The following PCDHA3 variants were observed in gnomAD, a reference collection of about 807,000 sequenced individuals.
PCDHA3 encodes protocadherin alpha 3, also known as protocadherin alpha-3.
A neutral mutation model predicts 62.2 loss-of-function variants in PCDHA3; 41 were observed. The ratio of observed to expected loss-of-function variants is 0.66; its 90% CI spans 0.51 to 0.86. PCDHA3 has a LOEUF of 0.86. Among genes scored for constraint, PCDHA3 ranks in the 40% least tolerant of loss-of-function variants. PCDHA3 has a pLI of 0.00. For synonymous variants in PCDHA3, 640 were observed against 555.4 expected, an observed-to-expected ratio of 1.15 and a Z score of -2.14; for missense variants, 1,304 against 1,241.2, an observed-to-expected ratio of 1.05 and a Z score of -0.76.
At chr5:140,870,819 G>A (rs1365807310) in intron 1 of PCDHA3, 2 of 1,613,712 alleles carry the variant, frequency 1.2e-6, no homozygotes, top group Admixed American at 3.3e-5. Flanking sequence ...CTGGCAGCGC[G>A]GGAGGCGCAG....
At chr5:140,836,054 C>T in intron 1 of PCDHA3, 2 of 1,613,594 alleles carry the variant, frequency 1.2e-6, no homozygotes, top group Non-Finnish European at 1.7e-6. Flanking sequence ...TCGTGCTGGA[C>T]GAGAACGACA....
In PCDHA3 at chr5:141,010,369, G is replaced by A. The variant is rs963959073; in HGVS notation, c.*432G>A. The A allele has an allele frequency of 1.8e-4, 270 of 1,474,338 alleles. No homozygotes were observed. The highest frequency in any genetic ancestry group is 7.1e-5 in the Non-Finnish European group (79 of 1,109,414). 91.3% of individuals were successfully genotyped at this position (1,474,338 alleles called of 1,614,324 possible). On this transcript the variant is annotated 3_prime_UTR_variant, in exon 4 of 4. Transcript: ENST00000522353. ...GTATGTGTGGCTACCGCGGGTATGCGAGTGCCAGATATTGGCTGAGACGAG... is the reference window on the plus strand; with the variant it reads ...GTATGTGTGGCTACCGCGGGTATGCAAGTGCCAGATATTGGCTGAGACGAG...
intron 3 of PCDHA3, among the ~76,000 whole-genome samples, chr5:140,996,330 A>G (rs551945424): frequency 6.6e-6 from 1 of 152,208 alleles, no homozygotes; most frequent in Non-Finnish European, 1.5e-5. Flanking sequence ...TAGAGAAGAA[A>G]AGTTTGAAAA....
Position 140,829,519 on chromosome 5 carries a change from G to T in PCDHA3, c.2394+25928G>T, listed in dbSNP as rs140453889. 8.6e-4 allele frequency: 1,385 copies of T among 1,613,420 alleles called. 16 individuals carry two copies. The African/African-American group carries it at 0.017, about 19-fold the overall frequency. Reference sequence around the variant, plus strand: ...ACCCGCCGGGCTGCCACATCTTCACGGTGTCTGCGCGAGACGCGGACGCGC... The same window carrying T: ...ACCCGCCGGGCTGCCACATCTTCACTGTGTCTGCGCGAGACGCGGACGCGC... On this transcript the variant is annotated intron_variant, in intron 1 of 3. Transcript: ENST00000522353.
intron 3 of PCDHA3, among the ~76,000 whole-genome samples, chr5:140,993,758 T>C (rs1205942777): frequency 6.6e-6 from 1 of 152,226 alleles, no homozygotes; most frequent in Non-Finnish European, 1.5e-5. Flanking sequence ...GCCATTATAT[T>C]ACAATTGCGC....
rs114567887 is a variant in PCDHA3, at chr5:140,974,104, T to G, written c.2395-4845T>G. The stretch of plus-strand genomic sequence containing the variant: ...GACTTCAAAAATCAAAGGTTAAAAG[T>G]ATTCTTTTGCAGTGTTTTAAATCTG... On this transcript the variant is annotated intron_variant, in intron 1 of 3. Coordinates refer to ENST00000522353, the MANE Select transcript of PCDHA3 (RefSeq NM_018906.3). Among the ~76,000 whole-genome samples, 1,327 of 152,364 alleles carry G rather than the reference T, an allele frequency of 8.7e-3. 24 individuals carry two copies. Among genetic ancestry groups the G allele is most frequent in the African/African-American group, 0.03 (1,240 of 41,584 alleles).
At chr5:140,992,023 G>C (rs1415968916) in intron 3 of PCDHA3, among the ~76,000 whole-genome samples, 2 of 148,226 alleles carry the variant, frequency 1.3e-5, no homozygotes, top group African/African-American at 4.9e-5. Flanking sequence ...GGCTCTGTGT[G>C]TGTGTGTGTG....
chr5:140,851,789 C>G, intron 1 of PCDHA3: 1 of 955,732 alleles, frequency 1.0e-6, no homozygotes, highest in Non-Finnish European at 1.3e-6. Context: ...TGAGAATTCA[C>G]TTGTTCTGTC....
chr5:140,829,392 CG>C (rs1770273562), intron 1 of PCDHA3: 1 of 1,614,042 alleles, frequency 6.2e-7, no homozygotes, highest in Non-Finnish European at 8.5e-7. Context: ...GGCTCGCCTT[CG>C]CTGTGGGCCA....
intron 1 of PCDHA3, chr5:140,809,012 T>G: frequency 6.2e-7 from 1 of 1,613,674 alleles, no homozygotes; most frequent in Non-Finnish European, 8.5e-7. Flanking sequence ...GTGGCTTTCG[T>G]ACGAGCTGCA....
At chr5:140,829,578 A>G in intron 1 of PCDHA3, 1 of 1,612,330 alleles carries the variant, frequency 6.2e-7, no homozygotes, top group East Asian at 2.2e-5. Context: ...TCGCTGGTGG[A>G]GCGGCGGGTG....
At chr5:140,862,318 A>G in intron 1 of PCDHA3, 1 of 317,904 alleles carries the variant, frequency 3.1e-6, no homozygotes, top group South Asian at 2.8e-5. Context: ...TCATAGCCCT[A>G]ATCAGTGTAA....
intron 1 of PCDHA3, chr5:140,817,273 C>T (rs1554127237): frequency 6.6e-6 from 1 of 152,292 alleles, no homozygotes; most frequent in African/African-American, 2.4e-5. Flanking sequence ...TTGAATGGAA[C>T]TGTGCTGCTG....
intron 1 of PCDHA3, among the ~76,000 whole-genome samples, chr5:140,874,127 A>G (rs1297073584): frequency 2.0e-5 from 3 of 151,564 alleles, no homozygotes; most frequent in Non-Finnish European, 4.4e-5. Flanking sequence ...TAGTTTATTT[A>G]AGTTATCTTA....
intron 1 of PCDHA3, chr5:140,805,447 G>A (rs1483503770): frequency 9.6e-7 from 1 of 1,036,964 alleles, no homozygotes; most frequent in African/African-American, 1.7e-5. Context: ...TTGTGTGTGT[G>A]TGTTTGTGTG....
chr5:140,830,668 A>C (rs1269050211), intron 1 of PCDHA3: 1 of 382,460 alleles, frequency 2.6e-6, no homozygotes, highest in Non-Finnish European at 4.3e-6. Flanking sequence ...TTTAAGTGAA[A>C]TTAGAAATCA....
Position 140,801,060 on chromosome 5 carries a change from A to C in PCDHA3, c.-138A>C. 2 of 1,452,866 alleles carry C rather than the reference A, an allele frequency of 1.4e-6. No homozygotes were observed. 90.0% of individuals were successfully genotyped at this position (1,452,866 alleles called of 1,614,324 possible). A position where few individuals can be genotyped will look rare whatever the true frequency, so the allele number is the denominator to read the frequency against. ...CACAAAAGAAATAACAGCGTGCATT[A>C]CGTATTCAGATACTGCTTTGCTTCA... On this transcript the variant is annotated 5_prime_UTR_variant, in exon 1 of 4. Coordinates refer to ENST00000522353, the MANE Select transcript of PCDHA3 (RefSeq NM_018906.3).
intron 1 of PCDHA3, chr5:140,870,635 C>T (rs1365729454): frequency 1.9e-6 from 3 of 1,612,850 alleles, no homozygotes; most frequent in Non-Finnish European, 2.5e-6. Flanking sequence ...TCGGTGCACG[C>T]GGAGAGCGGC....
At chr5:140,897,187 TA>T (rs1554187233) in intron 1 of PCDHA3, among the ~76,000 whole-genome samples, 7 of 152,166 alleles carry the variant, frequency 4.6e-5, no homozygotes, top group Non-Finnish European at 1.0e-4. Context: ...TCAAAAAATA[TA>T]TTTTTTTATT....
Sources: gnomAD v4.1 joint callset for allele counts (sites outside exome capture counted in the v4.1 genomes callset) on GRCh38, gnomAD v4.1.1 for gene constraint, MANE v1.5 for transcripts, NCBI Gene and HGNC (gene_info 2026-07-23, HGNC 2026-07-21) for gene names.